Variants in FNDC3B observed in about 807,000 individuals in gnomAD.
FNDC3B encodes the protein fibronectin type III domain-containing protein 3B.
A neutral mutation model predicts 151.5 loss-of-function variants in FNDC3B; 12 were observed. That is an observed-to-expected ratio of 0.08 (90% CI 0.05 to 0.13). The LOEUF is 0.13. Among genes scored for constraint, FNDC3B ranks in the 10% least tolerant of loss-of-function variants. FNDC3B has a pLI of 1.00. For missense variants in FNDC3B, 1,214 were observed against 1,505.3 expected (o/e 0.81, Z 3.20); for synonymous variants, 528 against 549.0 (o/e 0.96, Z 0.54).
Position 172,352,103 on chromosome 3 carries a change from G to A in FNDC3B, c.2515-700G>A, listed in dbSNP as rs908682041. Among the ~76,000 whole-genome samples, 6 of 152,168 alleles carry A rather than the reference G, an allele frequency of 3.9e-5. No homozygotes were observed. Among genetic ancestry groups the A allele is most frequent in the African/African-American group, 1.4e-4 (6 of 41,436 alleles). ...GTACTGAGGGCTGATACTCACCAGC[G>A]TTAAGAGTTCAGGGGATGGTGGCAA... On this transcript the variant is annotated intron_variant, in intron 21 of 25. Transcript: ENST00000415807. This position sits in a 1 kb window ranked among gnomAD's most constrained non-coding sequence, Gnocchi z 4.2.
intron 3 of FNDC3B, among the ~76,000 whole-genome samples, chr3:172,211,071 T>C (rs1402265951): frequency 6.6e-6 from 1 of 152,226 alleles, no homozygotes; most frequent in African/African-American, 2.4e-5. Context: ...TGAAGAGAAC[T>C]TTATGATTTC....
intron 25 of FNDC3B, among the ~76,000 whole-genome samples, chr3:172,383,840 A>G (rs555570517): frequency 6.6e-6 from 1 of 152,360 alleles, no homozygotes; most frequent in Non-Finnish European, 1.5e-5. Context: ...ATAGGCTTTC[A>G]TAATAGTCCC....
At position 172,264,657 on chromosome 3, in the gene FNDC3B, A is replaced by G. The variant is rs150636643; in HGVS notation, c.790+13116A>G. On this transcript the variant is annotated intron_variant, in intron 6 of 25. Coordinates refer to ENST00000415807, the MANE Select transcript of FNDC3B (RefSeq NM_022763.4). ...TCATTCATTCATGTACTGCTGAGGT[A>G]TTTTTTATTTTATTTTGCATTTTGA... 3.0e-3 allele frequency among the ~76,000 whole-genome samples: 461 copies of G among 152,252 alleles called. 4 individuals are homozygous for G. Among genetic ancestry groups the G allele is most frequent in the African/African-American group, 0.011 (447 of 41,546 alleles).
intron 10 of FNDC3B, among the ~76,000 whole-genome samples, chr3:172,308,937 G>A (rs778895405): frequency 6.6e-5 from 10 of 152,114 alleles, no homozygotes; most frequent in Non-Finnish European, 1.3e-4. Flanking sequence ...GATGACCTGA[G>A]GGATCCCGGG....
At chr3:172,241,709 G>A (rs187199822) in intron 4 of FNDC3B, among the ~76,000 whole-genome samples, 113 of 152,246 alleles carry the variant, frequency 7.4e-4, no homozygotes, top group Non-Finnish European at 1.3e-3. Flanking sequence ...CCCACAACAT[G>A]TAGAAATGCA....
intron 3 of FNDC3B, among the ~76,000 whole-genome samples, chr3:172,190,744 C>T (rs890606522): frequency 6.6e-6 from 1 of 152,204 alleles, no homozygotes; most frequent in Non-Finnish European, 1.5e-5. Context: ...TCTTGGCTCA[C>T]CGCAACCTCC....
intron 11 of FNDC3B, among the ~76,000 whole-genome samples, chr3:172,324,418 G>C (rs1682563035): frequency 6.6e-6 from 1 of 152,196 alleles, no homozygotes; most frequent in African/African-American, 2.4e-5. Flanking sequence ...CAACAACTGT[G>C]AATTAGGTTG....
chr3:172,060,176 A>G (rs1560387605), intron 1 of FNDC3B, among the ~76,000 whole-genome samples: 1 of 152,290 alleles, frequency 6.6e-6, no homozygotes, highest in East Asian at 1.9e-4. Context: ...CTCAAATACT[A>G]TCTTTTAGGA....
chr3:172,196,542 A>G (rs911762752), intron 3 of FNDC3B, among the ~76,000 whole-genome samples: 2 of 152,138 alleles, frequency 1.3e-5, no homozygotes, highest in Non-Finnish European at 2.9e-5. Context: ...TCTAAGTTTT[A>G]GCCCTAACTC....
chr3:172,247,920 T>C, intron 5 of FNDC3B, 144 bp downstream of exon 5: 2 of 876,258 alleles, frequency 2.3e-6, no homozygotes, highest in Non-Finnish European at 3.5e-6. Flanking sequence ...AATTCCTAGC[T>C]TCCTTTGTCC....
At chr3:172,065,149 T>C (rs959450674) in intron 1 of FNDC3B, among the ~76,000 whole-genome samples, 1 of 152,156 alleles carries the variant, frequency 6.6e-6, no homozygotes, top group Non-Finnish European at 1.5e-5. Context: ...CTGACCAACA[T>C]GGTGAAACCC....
intron 3 of FNDC3B, among the ~76,000 whole-genome samples, chr3:172,145,609 A>G (rs1023946359): frequency 1.3e-5 from 2 of 152,216 alleles, no homozygotes; most frequent in African/African-American, 4.8e-5. Flanking sequence ...TTGTGAATAA[A>G]GCAAGTATAA....
chr3:172,183,164 G>A (rs2108656929), intron 3 of FNDC3B, among the ~76,000 whole-genome samples: 1 of 152,262 alleles, frequency 6.6e-6, no homozygotes, highest in Non-Finnish European at 1.5e-5. Context: ...TCTGATTAGT[G>A]AGCCAGAAAT....
At chr3:172,226,991 G>T in intron 4 of FNDC3B, 44 bp downstream of exon 4, 1 of 1,281,368 alleles carries the variant, frequency 7.8e-7, no homozygotes, top group Non-Finnish European at 1.1e-6. Flanking sequence ...GGACACTGTC[G>T]TTGCTCCAAC....
intron 1 of FNDC3B, among the ~76,000 whole-genome samples, chr3:172,061,116 C>T (rs893003738): frequency 2.0e-5 from 3 of 152,140 alleles, no homozygotes; most frequent in African/African-American, 7.2e-5. Flanking sequence ...TTTCTTTGCT[C>T]TTCCTTCCCT....
At chr3:172,072,898 C>T (rs1717847669) in intron 1 of FNDC3B, among the ~76,000 whole-genome samples, 1 of 152,172 alleles carries the variant, frequency 6.6e-6, no homozygotes, top group South Asian at 2.1e-4. Flanking sequence ...TTATGATGTG[C>T]TTTCATCTAA....
intron 4 of FNDC3B, among the ~76,000 whole-genome samples, chr3:172,232,322 A>T (rs941147729): frequency 6.6e-6 from 1 of 152,264 alleles, no homozygotes; most frequent in Non-Finnish European, 1.5e-5. Flanking sequence ...AAGTCCTTTA[A>T]AGATAAATTA....
chr3:172,392,822 T>TTTTTTTTC (rs373697758), intron 25 of FNDC3B, among the ~76,000 whole-genome samples: 6 of 142,388 alleles, frequency 4.2e-5, no homozygotes, highest in South Asian at 2.4e-4. Flanking sequence ...TTTTTTTTTT[T>TTTTTTTTC]CAGACAGAGA....
rs559245681 is a variant in FNDC3B, at chr3:172,055,099, T to A, written c.-29+15328T>A. Among the ~76,000 whole-genome samples the A allele has an allele frequency of 9.8e-5, 15 of 152,314 alleles. No homozygotes were observed. In the South Asian group the frequency reaches 3.1e-3, roughly 32 times the overall value. ...TTTGCTTTGTATTTATACTCATTTT[T>A]AAATAAATTACTATAAAGTCAGTAA... On this transcript the variant is annotated intron_variant, in intron 1 of 25. Transcript: ENST00000415807.
Sources: gnomAD v4.1 joint callset for allele counts (sites outside exome capture counted in the v4.1 genomes callset) on GRCh38, gnomAD v4.1.1 for gene constraint, Gnocchi (gnomAD v3.1) non-coding constraint, MANE v1.5 for transcripts, NCBI Gene and HGNC (gene_info 2026-07-23, HGNC 2026-07-21) for gene names.